The following ANGPTL3 variants were observed in gnomAD, a reference collection of about 807,000 sequenced individuals.
The protein encoded by ANGPTL3 is angiopoietin-related protein 3.
A neutral mutation model predicts 52.7 loss-of-function variants in ANGPTL3; 51 were observed. The ratio of observed to expected loss-of-function variants is 0.97; its 90% confidence interval spans 0.77 to 1.22. The LOEUF (loss-of-function observed/expected upper bound fraction) is 1.22, where lower values mean the gene tolerates loss of function less well. Ranked by LOEUF, ANGPTL3 falls within the 50% of genes most tolerant of loss-of-function variation. The pLI, the probability that ANGPTL3 is intolerant of heterozygous loss-of-function variation, is 0.00. For synonymous variants in ANGPTL3, 185 were observed against 179.8 expected (o/e 1.03, Z -0.23); for missense variants, 506 against 520.7 (o/e 0.97, Z 0.27).
rs1220317954 is a variant in ANGPTL3 at position 62,604,691 on chromosome 1, A to AC, written c.1259dup (p.Arg421LysfsTer5). On this transcript the variant is annotated frameshift_variant, in exon 7 of 7. Coordinates refer to ENST00000371129, the MANE Select transcript of ANGPTL3 (RefSeq NM_014495.4). LOFTEE classifies it high-confidence loss of function. The stretch of plus-strand genomic sequence containing the variant: ...ACAACCTAAATGGTAAATATAACAA[A>AC]CCAAGAGCAAAATCTAAGCCAGAGA... The AC allele has an allele frequency of 6.2e-7, 1 of 1,613,292 alleles. No homozygotes were observed. The highest frequency in any genetic ancestry group is 1.3e-5 in the African/African-American group (1 of 75,014).
At chr1:62,604,414 A>G in intron 6 of ANGPTL3, 179 bp downstream of exon 6, 1 of 898,522 alleles carries the variant, frequency 1.1e-6, no homozygotes, top group East Asian at 2.6e-5. Context: ...CAGGTATTTT[A>G]CCTCTAATCT....
At chr1:62,600,888 A>C (rs1650015565) in intron 2 of ANGPTL3, 194 bp from the exon 3 acceptor site, 1 of 493,980 alleles carries the variant, frequency 2.0e-6, no homozygotes, top group Non-Finnish European at 3.6e-6. Context: ...TATCTTATTA[A>C]ATAATGTCCC....
At chr1:62,603,861 C>T (rs1650522041) in intron 5 of ANGPTL3, 108 bp from the exon 6 acceptor site, 2 of 1,049,642 alleles carry the variant, frequency 1.9e-6, no homozygotes, top group Admixed American at 4.1e-5. Context: ...TCAAGGGATT[C>T]AAGACTAAAC....
intron 2 of ANGPTL3, among the ~76,000 whole-genome samples, chr1:62,600,830 GCT>G (rs1474653147): frequency 2.6e-5 from 4 of 151,692 alleles, no homozygotes; most frequent in Non-Finnish European, 4.4e-5. Context: ...TTTTGGCCTT[GCT>G]CTGTTTTCCG....
rs1236283239 is a variant in ANGPTL3 at position 62,604,190 on chromosome 1, G to A, written c.1153G>A (p.Asp385Asn). 6.2e-7 allele frequency: 1 copy of A among 1,613,142 alleles called. No homozygotes were observed. The highest frequency in any genetic ancestry group is 8.5e-7 in the Non-Finnish European group (1 of 1,179,440). The change falls in exon 6 of 7, where the codon GAT becomes AAT. Residue 385 changes from aspartate to asparagine, a missense_variant. Transcript: ENST00000371129. ...CAAAGATTTGGTGTTTTCTACTTGG[G>A]ATCACAAAGCAAAAGGACACTTCAA... ...ENKDLVFSTW[D>N]HKAKGHFNCP...
At chr1:62,604,360 C>A (rs376536616) in intron 6 of ANGPTL3, 125 bp downstream of exon 6, 2 of 1,186,576 alleles carry the variant, frequency 1.7e-6, no homozygotes, top group Non-Finnish European at 1.2e-6. Context: ...TCTCTCTAGA[C>A]GAAAACCTCT....
chr1:62,598,051 CT>C lies in ANGPTL3; in HGVS notation c.487del (p.Ser163HisfsTer6). The C allele has an allele frequency of 6.3e-7, 1 of 1,583,540 alleles. No homozygotes were observed. Among genetic ancestry groups the C allele is most frequent in the East Asian group, 2.3e-5 (1 of 44,282 alleles). On this transcript the variant is annotated frameshift_variant, in exon 1 of 7. Coordinates refer to ENST00000371129, the MANE Select transcript of ANGPTL3 (RefSeq NM_014495.4). LOFTEE classifies it high-confidence loss of function. ...GAAACTCCAGAACACCCAGAAGTAA[CT>C]TCACTTAAAGTAAGTAGAAAATAAA... The part of the protein sequence containing the change: ...QPETPEHPEV[T>X]SLKTFVEKQD...
Position 62,602,265 on chromosome 1 carries a change from AT to A in ANGPTL3, c.836-17del. On this transcript the variant is annotated intron_variant, in intron 4 of 6. Coordinates refer to ENST00000371129, the MANE Select transcript of ANGPTL3 (RefSeq NM_014495.4). Reference sequence around the variant, plus strand: ...AACATAAATCTACTAAAAATACATGATTTCATTCATTATATTCAGGTAGTCC... The same window carrying A: ...AACATAAATCTACTAAAAATACATGATTCATTCATTATATTCAGGTAGTCC... 1 of 1,566,788 alleles carries A rather than the reference AT, an allele frequency of 6.4e-7. No homozygotes were observed. The highest frequency in any genetic ancestry group is 8.8e-7 in the Non-Finnish European group (1 of 1,138,810).
In ANGPTL3 at chr1:62,604,132, T is replaced by C; in HGVS notation, c.1095T>C (p.Ile365=). The C allele has an allele frequency of 6.2e-7, 1 of 1,613,472 alleles. No individual in the cohort carries two copies. Among genetic ancestry groups the C allele is most frequent in the Non-Finnish European group, 8.5e-7 (1 of 1,179,514 alleles). Residue 365 remains isoleucine, a synonymous_variant, in exon 6 of 7, where the codon ATT becomes ATC. Coordinates refer to ENST00000371129, the MANE Select transcript of ANGPTL3 (RefSeq NM_014495.4). ...ETNYTLHLVA[I]TGNVPNAIPE... ...ACTATACGCTACATCTAGTTGCGAT[T>C]ACTGGCAATGTCCCCAATGCAATCC...
chr1:62,601,745 G>A, intron 3 of ANGPTL3, 24 bp from the exon 4 acceptor site: 1 of 1,449,908 alleles, frequency 6.9e-7, no homozygotes. Context: ...TAAATCTGAT[G>A]TAATAACATT....
intron 1 of ANGPTL3, 44 bp downstream of exon 1, chr1:62,598,105 G>T: frequency 6.7e-7 from 1 of 1,488,072 alleles, no homozygotes; most frequent in Non-Finnish European, 9.0e-7. Flanking sequence ...TTTTCAATGT[G>T]GATCTTTTAA....
rs1650386553 is a variant in ANGPTL3 at position 62,603,010 on chromosome 1, G to A, written c.931+630G>A. Among the ~76,000 whole-genome samples, 3 of 151,652 alleles carry A rather than the reference G, an allele frequency of 2.0e-5. No homozygotes were observed. The South Asian group carries it at 6.2e-4, about 31-fold the overall frequency. On this transcript the variant is annotated intron_variant, in intron 5 of 6. Transcript: ENST00000371129. ...TGTCTAAGTACTCACTTATAAAGTA[G>A]AAGACATTCATTATTATATCAAATT...
At chr1:62,599,974 CA>C (rs761114163) in intron 2 of ANGPTL3, among the ~76,000 whole-genome samples, 3 of 151,972 alleles carry the variant, frequency 2.0e-5, no homozygotes, top group Non-Finnish European at 4.4e-5. Context: ...AACTGGTAAA[CA>C]AAATCATTTT....
intron 3 of ANGPTL3, 34 bp downstream of exon 3, chr1:62,601,230 TA>T: frequency 7.3e-7 from 1 of 1,378,120 alleles, no homozygotes; most frequent in Non-Finnish European, 1.0e-6. Flanking sequence ...TTCTTGAAGC[TA>T]TTATTATCAA....
chr1:62,604,833 A>G lies in ANGPTL3; in HGVS notation c.*16A>G. 1 of 1,608,912 alleles carries G rather than the reference A, an allele frequency of 6.2e-7. No individual in the cohort carries two copies. The highest frequency in any genetic ancestry group is 8.5e-7 in the Non-Finnish European group (1 of 1,177,306). ...CTTTGAATGAACTGAGGCAAATTTA[A>G]AAGGCAATAATTTAAACATTAACCT... On this transcript the variant is annotated 3_prime_UTR_variant, in exon 7 of 7. Transcript: ENST00000371129.
At chr1:62,603,247 C>T (rs1650421472) in intron 5 of ANGPTL3, among the ~76,000 whole-genome samples, 1 of 151,640 alleles carries the variant, frequency 6.6e-6, no homozygotes, top group South Asian at 2.1e-4. Context: ...TATTTACCAG[C>T]AATCCTTAAA....
At chr1:62,602,807 C>T (rs72641123) in intron 5 of ANGPTL3, among the ~76,000 whole-genome samples, 1 of 151,404 alleles carries the variant, frequency 6.6e-6, no homozygotes, top group Non-Finnish European at 1.5e-5. Flanking sequence ...GAAACTCAGA[C>T]ATACAGTATA....
At chr1:62,603,852 C>T (rs1161087529) in intron 5 of ANGPTL3, 117 bp from the exon 6 acceptor site, 1 of 933,992 alleles carries the variant, frequency 1.1e-6, no homozygotes, top group Non-Finnish European at 1.7e-6. Context: ...CTAAAATGAT[C>T]AAGGGATTCA....
Position 62,597,947 on chromosome 1 carries a change from C to T in ANGPTL3, c.381C>T (p.Leu127=). Residue 127 remains leucine, a synonymous_variant, in exon 1 of 7, where the codon CTC becomes CTT. Coordinates refer to ENST00000371129, the MANE Select transcript of ANGPTL3 (RefSeq NM_014495.4). ...SLELNSKLES[L]LEEKILLQQK... The stretch of plus-strand genomic sequence containing the variant: ...AACTCAACTCAAAACTTGAAAGCCT[C>T]CTAGAAGAAAAAATTCTACTTCAAC... 6.4e-7 allele frequency: 1 copy of T among 1,551,236 alleles called. No individual in the cohort carries two copies. Among genetic ancestry groups the T allele is most frequent in the African/African-American group, 1.4e-5 (1 of 71,968 alleles).
Sources: gnomAD v4.1 joint callset for allele counts (sites outside exome capture counted in the v4.1 genomes callset) on GRCh38, gnomAD v4.1.1 for gene constraint, MANE v1.5 for transcripts, NCBI Gene and HGNC (gene_info 2026-07-23, HGNC 2026-07-21) for gene names.